Variants in DENND2B observed in about 807,000 individuals in gnomAD.
The protein encoded by DENND2B is DENN domain containing 2B.
A neutral mutation model predicts 116.0 loss-of-function variants in DENND2B; 32 were observed. The ratio of observed to expected loss-of-function variants is 0.28; its 90% confidence interval spans 0.21 to 0.37. The LOEUF (loss-of-function observed/expected upper bound fraction) is 0.37. DENND2B is among the 10% of genes least tolerant of loss of function. The pLI, the probability that DENND2B is intolerant of heterozygous loss-of-function variation, is 1.00. For missense variants in DENND2B, 1,276 were observed against 1,477.7 expected, an observed-to-expected ratio of 0.86 and a Z score of 2.24; for synonymous variants, 588 against 583.9, an observed-to-expected ratio of 1.01 and a Z score of -0.10.
At chr11:8,898,674 C>T (rs1453960639) in intron 1 of DENND2B, among the ~76,000 whole-genome samples, 4 of 152,178 alleles carry the variant, frequency 2.6e-5, no homozygotes, top group African/African-American at 9.7e-5. Flanking sequence ...TACTTTCATT[C>T]ATTTACATAT....
chr11:8,817,423 G>T (rs189126506), intron 4 of DENND2B, among the ~76,000 whole-genome samples: 137 of 152,182 alleles, frequency 9.0e-4, no homozygotes, highest in Non-Finnish European at 1.6e-3. Flanking sequence ...TCCTAGGAAG[G>T]CAGAGAAATA....
intron 2 of DENND2B, among the ~76,000 whole-genome samples, chr11:8,739,701 A>G (rs2049849027): frequency 6.6e-6 from 1 of 152,376 alleles, no homozygotes; most frequent in Admixed American, 6.5e-5. Context: ...GCAGCATGCA[A>G]CTGGCCAAAA....
chr11:8,809,633 T>C (rs909977789), intron 1 of DENND2B: 2 of 152,256 alleles, frequency 1.3e-5, no homozygotes, highest in African/African-American at 2.4e-5. Flanking sequence ...ACCACTCCTC[T>C]AGGTCAGAAC....
chr11:8,704,524 G>T (rs74055115), intron 13 of DENND2B, among the ~76,000 whole-genome samples: 10,433 of 152,212 alleles, frequency 0.069, 726 homozygotes, highest in African/African-American at 0.18. Context: ...CTAAATGAAG[G>T]GGAGAAAAGA....
chr11:8,853,130 G>A (rs2063069006), intron 3 of DENND2B, among the ~76,000 whole-genome samples: 1 of 152,176 alleles, frequency 6.6e-6, no homozygotes, highest in South Asian at 2.1e-4. Context: ...TAGGGAGGAT[G>A]AGGCGGGTGG....
intron 1 of DENND2B, chr11:8,809,674 T>C (rs1447301855): frequency 1.3e-5 from 2 of 152,188 alleles, no homozygotes; most frequent in Non-Finnish European, 2.9e-5. Context: ...ACAATCAGTG[T>C]AGGAGTGCAC....
chr11:8,798,899 C>T (rs1010718251), intron 1 of DENND2B, among the ~76,000 whole-genome samples: 2 of 149,358 alleles, frequency 1.3e-5, no homozygotes, highest in African/African-American at 5.0e-5. Context: ...ACAATCTCAG[C>T]TCACTGCAAA....
At chr11:8,839,361 A>C (rs962196393) in intron 3 of DENND2B, 1 of 152,252 alleles carries the variant, frequency 6.6e-6, no homozygotes, top group Admixed American at 6.5e-5. Flanking sequence ...CTGTGAAAAG[A>C]GTGGAAAGGT....
At chr11:8,887,285 T>C (rs1323644532) in intron 1 of DENND2B, among the ~76,000 whole-genome samples, 1 of 152,210 alleles carries the variant, frequency 6.6e-6, no homozygotes, top group Non-Finnish European at 1.5e-5. Flanking sequence ...ATTTCACAAG[T>C]GCTAGCAATA....
At chr11:8,893,068 C>T (rs1181826953) in intron 1 of DENND2B, among the ~76,000 whole-genome samples, 5 of 152,186 alleles carry the variant, frequency 3.3e-5, no homozygotes, top group African/African-American at 1.2e-4. Flanking sequence ...TGGGCTTCAT[C>T]CCTGGGATGC....
intron 1 of DENND2B, among the ~76,000 whole-genome samples, chr11:8,759,072 C>T (rs1296629347): frequency 6.6e-6 from 1 of 152,176 alleles, no homozygotes; most frequent in East Asian, 1.9e-4. Context: ...AGTGCCCTTT[C>T]TCCCTCTGAC....
At chr11:8,710,958 C>G in intron 10 of DENND2B, 44 bp from the exon 11 acceptor site, 2 of 1,609,044 alleles carry the variant, frequency 1.2e-6, no homozygotes, top group Non-Finnish European at 1.7e-6. Flanking sequence ...GTGAGAGGAC[C>G]TAGGAAACAG....
chr11:8,851,748 C>T (rs543415290), intron 3 of DENND2B, among the ~76,000 whole-genome samples: 1 of 152,200 alleles, frequency 6.6e-6, no homozygotes, highest in South Asian at 2.1e-4. Context: ...TAAACAATAA[C>T]AGGAGATTAA....
At chr11:8,786,548 T>C (rs909121136) in intron 1 of DENND2B, among the ~76,000 whole-genome samples, 1 of 152,184 alleles carries the variant, frequency 6.6e-6, no homozygotes, top group Non-Finnish European at 1.5e-5. Context: ...TGGTGGCTCA[T>C]GCCTGTAATC....
intron 1 of DENND2B, among the ~76,000 whole-genome samples, chr11:8,774,537 T>C (rs1171989606): frequency 1.3e-5 from 2 of 152,174 alleles, no homozygotes; most frequent in South Asian, 2.1e-4. Context: ...CCACAGAAGA[T>C]TCTTCCCCTT....
chr11:8,867,157 G>A (rs964281041), intron 2 of DENND2B, among the ~76,000 whole-genome samples: 6 of 152,166 alleles, frequency 3.9e-5, no homozygotes, highest in South Asian at 2.1e-4. Context: ...AGGAAACGGC[G>A]TACAGGTTGC....
chr11:8,887,686 A>T (rs1039640047), intron 1 of DENND2B, among the ~76,000 whole-genome samples: 3 of 152,174 alleles, frequency 2.0e-5, no homozygotes, highest in African/African-American at 7.2e-5. Context: ...CCTCTGCCCC[A>T]CATACCTTAT....
chr11:8,750,119 T>C (rs2052086919), intron 2 of DENND2B, among the ~76,000 whole-genome samples: 1 of 152,246 alleles, frequency 6.6e-6, no homozygotes, highest in Non-Finnish European at 1.5e-5. Flanking sequence ...AGGGAAACGT[T>C]CTGAGAGCTC....
rs537406991 is a variant in DENND2B at position 8,709,680 on chromosome 11, C to T, written c.2352+1165G>A. Among the ~76,000 whole-genome samples, 7 of 152,334 alleles carry T rather than the reference C, an allele frequency of 4.6e-5. 1 individual carries two copies. In the South Asian group the frequency reaches 1.2e-3, roughly 27 times the overall value. On this transcript the variant is annotated intron_variant, in intron 11 of 19. Transcript: ENST00000313726. ...TACAAATTGGTGACAAACGACTTCCCTTCTGGTTCTGTATGACCTTGGGCA... is the reference window on the plus strand; with the variant it reads ...TACAAATTGGTGACAAACGACTTCCTTTCTGGTTCTGTATGACCTTGGGCA...
Sources: allele counts gnomAD v4.1 joint callset (sites outside exome capture counted in the v4.1 genomes callset), GRCh38; gene constraint gnomAD v4.1.1; transcripts MANE v1.5; gene names NCBI Gene and HGNC (gene_info 2026-07-23, HGNC 2026-07-21).